The following RESF1 variants were observed in gnomAD, a reference collection of about 807,000 sequenced individuals.
The protein encoded by RESF1 is retroelement silencing factor 1, also known as gonad expressed transcript.
In RESF1, 65 loss-of-function variants were observed where a neutral mutation model predicts 134.7. The observed-to-expected ratio is 0.48, with a 90% confidence interval of 0.40 to 0.59. RESF1 has a LOEUF of 0.59. RESF1 is among the 20% of genes least tolerant of loss of function. The pLI is 0.00. For missense variants in RESF1, 2,274 were observed against 2,002.7 expected, an observed-to-expected ratio of 1.14 and a Z score of -2.59; for synonymous variants, 762 against 702.2, an observed-to-expected ratio of 1.09 and a Z score of -1.35.
At chr12:31,989,358 T>C (rs1234915446) in intron 5 of RESF1, among the ~76,000 whole-genome samples, 1 of 130,878 alleles carries the variant, frequency 7.6e-6, no homozygotes, top group East Asian at 2.3e-4. Flanking sequence ...ATGTCGCCAC[T>C]GCACTCCAGC....
chr12:31,967,288 A>C (rs1057329246), intron 2 of RESF1, among the ~76,000 whole-genome samples: 4 of 152,100 alleles, frequency 2.6e-5, no homozygotes, highest in African/African-American at 9.7e-5. Flanking sequence ...CCTTCTAACC[A>C]CTGTGCTGCA....
At chr12:31,963,450 C>T (rs1403996460) in intron 2 of RESF1, among the ~76,000 whole-genome samples, 1 of 152,154 alleles carries the variant, frequency 6.6e-6, no homozygotes, top group Non-Finnish European at 1.5e-5. Context: ...TCTTTGAGCT[C>T]TGCTGTCCTC....
At chr12:31,977,059 T>C (rs1939652336) in intron 3 of RESF1, among the ~76,000 whole-genome samples, 1 of 152,202 alleles carries the variant, frequency 6.6e-6, no homozygotes, top group Admixed American at 6.5e-5. Flanking sequence ...TTCACTTCCT[T>C]AATGGTGTTT....
At chr12:31,965,138 G>A (rs1292664565) in intron 2 of RESF1, among the ~76,000 whole-genome samples, 1 of 152,002 alleles carries the variant, frequency 6.6e-6, no homozygotes, top group Non-Finnish European at 1.5e-5. Flanking sequence ...TGTATTTTTG[G>A]TAGAGGCGAG....
chr12:31,985,433 A>G lies in RESF1; in HGVS notation c.4478A>G (p.Lys1493Arg), dbSNP rs753707448. Residue 1493 changes from lysine (K) to arginine (R), a missense_variant, in exon 4 of 6, where the codon AAA (lysine) becomes AGA (arginine). Lys to Arg is a conservative substitution (Grantham distance 26, BLOSUM62 2). Transcript: ENST00000312561. The stretch of plus-strand genomic sequence containing the variant: ...GCCGTGCAGGTTGAAAGTTGTGGGA[A>G]ATCAAATGAGAAACACAGCAGCGGC... The part of the protein sequence containing the change: ...KLAVQVESCG[K>R]SNEKHSSGVQ... The G allele has an allele frequency of 1.2e-6, 2 of 1,606,438 alleles. No individual in the cohort carries two copies. The highest frequency in any genetic ancestry group is 1.7e-5 in the Admixed American group (1 of 57,598).
chr12:31,979,075 C>T (rs1296603675), intron 3 of RESF1, among the ~76,000 whole-genome samples: 1 of 151,760 alleles, frequency 6.6e-6, no homozygotes, highest in Non-Finnish European at 1.5e-5. Flanking sequence ...CACCTGCCAC[C>T]ACACCTGGCT....
chr12:31,978,541 T>G (rs1355576241), intron 3 of RESF1, among the ~76,000 whole-genome samples: 2 of 150,404 alleles, frequency 1.3e-5, no homozygotes, highest in Non-Finnish European at 1.5e-5. Flanking sequence ...TTGGGGTTTT[T>G]TTTTGTTTTT....
Position 31,984,905 on chromosome 12 carries a change from C to T in RESF1, c.3950C>T (p.Ala1317Val). The T allele has an allele frequency of 6.2e-7, 1 of 1,611,510 alleles. No individual in the cohort carries two copies. The highest frequency in any genetic ancestry group is 8.5e-7 in the Non-Finnish European group (1 of 1,179,430). ...AAAATGACAGCATCTTATGAACAAG[C>T]TTCTCAGGAAACCCGACAGAAGAAA... is the stretch of plus-strand genomic sequence containing the variant. ...SNKMTASYEQASQETRQKKHV... is the reference protein window; with the variant it reads ...SNKMTASYEQVSQETRQKKHV... The change falls in exon 4 of 6, where the codon GCT becomes GTT. Residue 1317 changes from alanine (A) to valine (V), a missense_variant. By Grantham distance (64) the Ala-to-Val change is moderately conservative (BLOSUM62 0). Transcript: ENST00000312561.
At chr12:31,988,531 T>C (rs1253420260) in intron 5 of RESF1, among the ~76,000 whole-genome samples, 2 of 152,176 alleles carry the variant, frequency 1.3e-5, no homozygotes, top group Admixed American at 6.5e-5. Context: ...ATCCCCAGAT[T>C]TTGGTATCTA....
rs1940122897 is a variant in RESF1 at position 31,992,732 on chromosome 12, A to G, written c.*197A>G. 1 of 582,734 alleles carries G rather than the reference A, an allele frequency of 1.7e-6. No homozygotes were observed. The highest frequency in any genetic ancestry group is 3.1e-6 in the Non-Finnish European group (1 of 327,860). The allele number at this position is 582,734 out of a possible 1,614,324, so 36.1% of individuals were successfully genotyped here. Reference sequence around the variant, plus strand: ...TAGCCATGTGTAAGAAATGGATGGTATTCACCGGGGAAACAAGGTATTTGA... The same window carrying G: ...TAGCCATGTGTAAGAAATGGATGGTGTTCACCGGGGAAACAAGGTATTTGA... On this transcript the variant is annotated 3_prime_UTR_variant, in exon 6 of 6. Transcript: ENST00000312561.
intron 1 of RESF1, among the ~76,000 whole-genome samples, chr12:31,960,545 A>G (rs1260605800): frequency 2.6e-5 from 4 of 152,220 alleles, no homozygotes. Flanking sequence ...TTGCAGTGAT[A>G]CTACAATAGC....
rs1939819040 is a variant in RESF1, at chr12:31,982,342, G to A, written c.1387G>A (p.Glu463Lys). The part of the protein sequence containing the change: ...SGPQITPVMP[E>K]NAERQTPTVV... ...ACCCCAGATAACTCCAGTAATGCCAGAGAATGCAGAGAGACAAACACCAAC... is the reference window on the plus strand; with the variant it reads ...ACCCCAGATAACTCCAGTAATGCCAAAGAATGCAGAGAGACAAACACCAAC... Residue 463 changes from glutamate (E) to lysine (K), a missense_variant, in exon 4 of 6, where the codon GAG (glutamate) becomes AAG (lysine). By Grantham distance (56) the Glu-to-Lys change is moderately conservative (BLOSUM62 1). Coordinates refer to ENST00000312561, the MANE Select transcript of RESF1 (RefSeq NM_018169.4). The A allele has an allele frequency of 1.2e-6, 2 of 1,614,060 alleles. No individual in the cohort carries two copies. Among genetic ancestry groups the A allele is most frequent in the African/African-American group, 2.7e-5 (2 of 74,946 alleles).
intron 2 of RESF1, among the ~76,000 whole-genome samples, chr12:31,963,042 G>T (rs891703019): frequency 9.9e-5 from 15 of 151,598 alleles, no homozygotes; most frequent in African/African-American, 3.7e-4. Flanking sequence ...ACCCTAGCTC[G>T]GGTGACAGAG....
chr12:31,990,523 C>G (rs1490331859), intron 5 of RESF1, among the ~76,000 whole-genome samples: 1 of 152,198 alleles, frequency 6.6e-6, no homozygotes, highest in Non-Finnish European at 1.5e-5. Flanking sequence ...CCTAGGCTCA[C>G]TGCAACCTCT....
chr12:31,986,787 G>C (rs567672782), intron 4 of RESF1, among the ~76,000 whole-genome samples: 2 of 152,198 alleles, frequency 1.3e-5, no homozygotes, highest in Non-Finnish European at 2.9e-5. Flanking sequence ...GACTATATTT[G>C]TTGGGGTTCA....
At position 31,961,683 on chromosome 12, in the gene RESF1, CT is replaced by C. The variant is rs1390643538; in HGVS notation, c.-247+818del. ...ATCACTGTAGATCCTCTTAGATTCT[CT>C]TTTTTGTAGGTCTTGTTTTGTTAGG... is the stretch of plus-strand genomic sequence containing the variant. On this transcript the variant is annotated intron_variant, in intron 2 of 5. Coordinates refer to ENST00000312561, the MANE Select transcript of RESF1 (RefSeq NM_018169.4). 2.0e-5 allele frequency among the ~76,000 whole-genome samples: 3 copies of C among 152,184 alleles called. No homozygotes were observed. The South Asian group carries it at 6.2e-4, about 32-fold the overall frequency.
At chr12:31,969,020 A>G (rs1189520100) in intron 2 of RESF1, among the ~76,000 whole-genome samples, 1 of 151,776 alleles carries the variant, frequency 6.6e-6, no homozygotes, top group African/African-American at 2.4e-5. Flanking sequence ...AGTCCACTGC[A>G]CTCTCGACTT....
At chr12:31,980,667 G>C (rs563120068) in intron 3 of RESF1, among the ~76,000 whole-genome samples, 41 of 152,142 alleles carry the variant, frequency 2.7e-4, no homozygotes, top group Non-Finnish European at 5.7e-4. Context: ...AGCTGTCATT[G>C]TGTGGAATGA....
chr12:31,981,763 G>A lies in RESF1; in HGVS notation c.808G>A (p.Ala270Thr), dbSNP rs755106637. The A allele has an allele frequency of 7.4e-6, 12 of 1,613,794 alleles. No homozygotes were observed. The highest frequency in any genetic ancestry group is 1.1e-5 in the South Asian group (1 of 91,076). ...CTCAGCTGTACCATCACAGCAGTAT[G>A]CCACGCAAACTGACAAAAGACCTCC... ...QTSAVPSQQY[A>T]TQTDKRPPPP... Residue 270 changes from alanine (A) to threonine (T), a missense_variant, in exon 4 of 6, where the codon GCC becomes ACC. Ala to Thr is a moderately conservative substitution (Grantham distance 58). Coordinates refer to ENST00000312561, the MANE Select transcript of RESF1 (RefSeq NM_018169.4).
Sources: allele counts gnomAD v4.1 joint callset (sites outside exome capture counted in the v4.1 genomes callset), GRCh38; gene constraint gnomAD v4.1.1; transcripts MANE v1.5; gene names NCBI Gene and HGNC (gene_info 2026-07-23, HGNC 2026-07-21).